Variants in G2E3 observed in about 807,000 individuals in gnomAD.
G2E3 encodes the protein G2/M-phase specific E3 ubiquitin protein ligase, also known as G2/M phase-specific E3 ubiquitin-protein ligase.
A neutral mutation model predicts 92.8 loss-of-function variants in G2E3; 35 were observed. The observed-to-expected ratio is 0.38, with a 90% CI of 0.29 to 0.50. The LOEUF is 0.50. Ranked by LOEUF, G2E3 falls within the 20% of genes least tolerant of loss-of-function variation. The pLI, the probability that G2E3 is intolerant of heterozygous loss-of-function variation, is 0.94. For missense variants in G2E3, 554 were observed against 823.8 expected, an observed-to-expected ratio of 0.67 and a Z score of 4.01; for synonymous variants, 242 against 272.4, an observed-to-expected ratio of 0.89 and a Z score of 1.10.
chr14:30,576,376 G>A (rs372901169), intron 1 of G2E3, among the ~76,000 whole-genome samples: 1 of 152,106 alleles, frequency 6.6e-6, no homozygotes, highest in Non-Finnish European at 1.5e-5. Flanking sequence ...ACCTCAAGAT[G>A]GATTAAAGAC....
At chr14:30,602,169 T>C in intron 10 of G2E3, 38 bp downstream of exon 10, 2 of 1,501,326 alleles carry the variant, frequency 1.3e-6, no homozygotes, top group South Asian at 2.4e-5. Flanking sequence ...TAAAAATCTA[T>C]TTGGAGAAAA....
chr14:30,589,293 T>G, intron 3 of G2E3, 90 bp from the exon 4 acceptor site: 1 of 720,904 alleles, frequency 1.4e-6, no homozygotes, highest in South Asian at 1.9e-5. Flanking sequence ...TATGTCTGTT[T>G]TTTATTAGAC....
chr14:30,572,329 C>T (rs1341727217), intron 1 of G2E3, among the ~76,000 whole-genome samples: 9 of 152,288 alleles, frequency 5.9e-5, no homozygotes, highest in Middle Eastern at 3.4e-3. Flanking sequence ...ACTGTTGAAT[C>T]AGAGACTAAG....
intron 12 of G2E3, 149 bp downstream of exon 12, chr14:30,608,218 C>T (rs1480019305): frequency 6.1e-6 from 3 of 495,198 alleles, no homozygotes; most frequent in South Asian, 4.8e-5. Flanking sequence ...GAGTTCTGAA[C>T]CAGTTAAAAG....
intron 1 of G2E3, among the ~76,000 whole-genome samples, chr14:30,573,039 C>G (rs1034392972): frequency 4.0e-5 from 6 of 151,772 alleles, no homozygotes; most frequent in Non-Finnish European, 7.4e-5. Flanking sequence ...CACTATGTTG[C>G]TCAAGGTGGA....
intron 2 of G2E3, among the ~76,000 whole-genome samples, chr14:30,583,448 T>C (rs1880539631): frequency 6.6e-6 from 1 of 152,124 alleles, no homozygotes; most frequent in African/African-American, 2.4e-5. Context: ...TACTGCATAA[T>C]CTCCCTTATG....
chr14:30,610,983 A>G (rs553391156), intron 12 of G2E3, among the ~76,000 whole-genome samples: 7 of 152,318 alleles, frequency 4.6e-5, no homozygotes, highest in Admixed American at 4.6e-4. Context: ...GGCCCTTTAT[A>G]CAGATGGCCC....
At chr14:30,579,306 C>T (rs1389733385) in intron 1 of G2E3, among the ~76,000 whole-genome samples, 1 of 152,106 alleles carries the variant, frequency 6.6e-6, no homozygotes, top group Non-Finnish European at 1.5e-5. Context: ...TTGTTTTATA[C>T]ATTCTTTTAA....
intron 1 of G2E3, among the ~76,000 whole-genome samples, chr14:30,576,438 A>G (rs1880095048): frequency 6.6e-6 from 1 of 152,230 alleles, no homozygotes; most frequent in Admixed American, 6.5e-5. Context: ...CCTAGGCATT[A>G]TCATCCTGGA....
At chr14:30,587,003 C>G (rs992600225) in intron 3 of G2E3, among the ~76,000 whole-genome samples, 188 bp downstream of exon 3, 4 of 152,036 alleles carry the variant, frequency 2.6e-5, no homozygotes, top group African/African-American at 9.7e-5. Context: ...TTAGTACATA[C>G]AAAGACCTAT....
chr14:30,614,987 C>A (rs990298187), intron 13 of G2E3, among the ~76,000 whole-genome samples: 4 of 152,022 alleles, frequency 2.6e-5, no homozygotes, highest in African/African-American at 9.7e-5. Context: ...ATCTGGGAAA[C>A]TTTATTTTTA....
At position 30,618,589 on chromosome 14, in the gene G2E3, C is replaced by G. The variant is rs377727085; in HGVS notation, c.*2055C>G. On this transcript the variant is annotated 3_prime_UTR_variant, in exon 15 of 15. Transcript: ENST00000206595. ...AACAGTATTTCAATTCCTCATTTGACTTATTTTATATATAGACAGGGCCTT... is the reference window on the plus strand; with the variant it reads ...AACAGTATTTCAATTCCTCATTTGAGTTATTTTATATATAGACAGGGCCTT... 5 of 152,026 alleles carry G rather than the reference C, an allele frequency of 3.3e-5. No homozygotes were observed. The highest frequency in any genetic ancestry group is 7.4e-5 in the Non-Finnish European group (5 of 67,948). 9.4% of individuals were successfully genotyped at this position (152,026 alleles called of 1,614,324 possible).
At chr14:30,586,225 C>A (rs149073755) in intron 2 of G2E3, among the ~76,000 whole-genome samples, 4 of 152,300 alleles carry the variant, frequency 2.6e-5, no homozygotes, top group African/African-American at 7.2e-5. Flanking sequence ...CATTTTACCC[C>A]CTCTTGGACC....
intron 11 of G2E3, among the ~76,000 whole-genome samples, chr14:30,607,184 TTACAA>T (rs1199413388): frequency 6.6e-6 from 1 of 152,016 alleles, no homozygotes; most frequent in Admixed American, 6.6e-5. Flanking sequence ...GATAAAAAGT[TTACAA>T]TATAATAAGT....
In G2E3 at chr14:30,605,548, G is replaced by A. The variant is rs753546004; in HGVS notation, c.1054G>A (p.Glu352Lys). The A allele has an allele frequency of 6.8e-7, 1 of 1,461,682 alleles. No homozygotes were observed. The allele number at this position is 1,461,682 out of a possible 1,614,324, so 90.5% of individuals were successfully genotyped here. ...AAGAAATGTATCAACACTATTAATAGAGTTAGGATTCCAAATTAAAAAAAA... is the reference window on the plus strand; with the variant it reads ...AAGAAATGTATCAACACTATTAATAAAGTTAGGATTCCAAATTAAAAAAAA... ...FRRNVSTLLI[E>K]LGFQIKKKTK... is the part of the protein sequence containing the mutation. The change falls in exon 11 of 15, where the codon GAG (glutamate) becomes AAG (lysine). Residue 352 changes from glutamate to lysine, a missense_variant. Coordinates refer to ENST00000206595, the MANE Select transcript of G2E3 (RefSeq NM_017769.5).
intron 2 of G2E3, among the ~76,000 whole-genome samples, chr14:30,581,462 T>G (rs946512819): frequency 6.6e-6 from 1 of 152,206 alleles, no homozygotes; most frequent in African/African-American, 2.4e-5. Context: ...ATTCCAGCAC[T>G]TTACGAGGCT....
intron 8 of G2E3, 25 bp downstream of exon 8, chr14:30,598,624 T>G (rs753871797): frequency 5.1e-6 from 7 of 1,378,406 alleles, no homozygotes; most frequent in Non-Finnish European, 7.3e-6. Flanking sequence ...TCAGTTGTGC[T>G]TAGTGGTTCC....
intron 1 of G2E3, among the ~76,000 whole-genome samples, chr14:30,573,906 A>G (rs2138793710): frequency 6.6e-6 from 1 of 152,304 alleles, no homozygotes; most frequent in Non-Finnish European, 1.5e-5. Context: ...AAGGTAACAC[A>G]TAAAATTAAC....
chr14:30,582,501 C>A (rs1880487562), intron 2 of G2E3, among the ~76,000 whole-genome samples: 3 of 152,182 alleles, frequency 2.0e-5, no homozygotes, highest in Admixed American at 2.0e-4. Flanking sequence ...GATGTACCTC[C>A]ATCCAGGGTT....
Sources: allele counts gnomAD v4.1 joint callset (sites outside exome capture counted in the v4.1 genomes callset), GRCh38; gene constraint gnomAD v4.1.1; transcripts MANE v1.5; gene names NCBI Gene and HGNC (gene_info 2026-07-23, HGNC 2026-07-21).